Variants in MCM6 observed in about 807,000 individuals in gnomAD.
The protein encoded by MCM6 is DNA replication licensing factor MCM6.
Under a neutral mutation model 94.3 loss-of-function variants are expected in MCM6, and 46 were observed. The observed-to-expected ratio is 0.49, with a 90% CI of 0.39 to 0.62. The LOEUF (loss-of-function observed/expected upper bound fraction) is 0.62. Among genes scored for constraint, MCM6 ranks in the 20% least tolerant of loss-of-function variants. The probability of loss-of-function intolerance (pLI) is 0.00; values close to 1 mark genes in which losing one functional copy is unlikely to be tolerated. For missense variants in MCM6, 865 were observed against 1,017.9 expected, an observed-to-expected ratio of 0.85 and a Z score of 2.04; for synonymous variants, 335 against 351.9, an observed-to-expected ratio of 0.95 and a Z score of 0.54.
At chr2:135,862,515 G>A (rs923351131) in intron 8 of MCM6, 92 bp downstream of exon 8, 1 of 1,324,234 alleles carries the variant, frequency 7.6e-7, no homozygotes, top group African/African-American at 1.5e-5. Context: ...TACACTCCTA[G>A]TAAGGCCATA....
At chr2:135,842,419 C>T (rs754505353) in intron 16 of MCM6, among the ~76,000 whole-genome samples, 23 of 152,248 alleles carry the variant, frequency 1.5e-4, no homozygotes, top group South Asian at 4.1e-4. Context: ...TGAATTGGCA[C>T]GACAGTTAAA....
chr2:135,866,655 G>C lies in MCM6; in HGVS notation c.689C>G (p.Ala230Gly), dbSNP rs1481057213. The C allele has an allele frequency of 1.9e-6, 3 of 1,614,102 alleles. No homozygotes were observed. Residue 230 changes from alanine (A) to glycine (G), a missense_variant, in exon 5 of 17, where the codon GCT becomes GGT. Ala to Gly is a moderately conservative substitution (Grantham distance 60, BLOSUM62 0). Transcript: ENST00000264156. ...IPRSLEVILRAEAVESAQAGD... is the reference protein window; with the variant it reads ...IPRSLEVILRGEAVESAQAGD... Reference sequence around the variant, plus strand: ...AGCTTGAGCTGATTCCACAGCTTCAGCCCTTAAAATTACTTCTAAACTGCG... The same window carrying C: ...AGCTTGAGCTGATTCCACAGCTTCACCCCTTAAAATTACTTCTAAACTGCG...
chr2:135,852,771 C>T lies in MCM6; in HGVS notation c.1755+16G>A, dbSNP rs541926048. The T allele has an allele frequency of 2.6e-6, 4 of 1,549,464 alleles. No individual in the cohort carries two copies. Among genetic ancestry groups the T allele is most frequent in the East Asian group, 2.4e-5 (1 of 41,980 alleles). On this transcript the variant is annotated intron_variant, in intron 12 of 16. Coordinates refer to ENST00000264156, the MANE Select transcript of MCM6 (RefSeq NM_005915.6). ...ATACCCATTATACCTTATCCCAGTA[C>T]AAAAGGGTAGGTTACCTTGGGTTTA...
chr2:135,866,557 A>G lies in MCM6; in HGVS notation c.781+6T>C. On this transcript the variant is annotated splice_donor_region_variant and intron_variant, in intron 5 of 16. Transcript: ENST00000264156. ...ATTTGTTAAATTTGAGCCACAGATT[A>G]CTGACCTGGTGTGCTAAGCTTGGAG... The G allele has an allele frequency of 6.2e-7, 1 of 1,606,370 alleles. No homozygotes were observed. Among genetic ancestry groups the G allele is most frequent in the Non-Finnish European group, 8.5e-7 (1 of 1,177,398 alleles).
chr2:135,860,196 G>C (rs1187172528), intron 8 of MCM6, among the ~76,000 whole-genome samples: 2 of 151,992 alleles, frequency 1.3e-5, no homozygotes, highest in African/African-American at 4.8e-5. Context: ...GCAGTGGCTT[G>C]ATCTTGGCTC....
Position 135,862,601 on chromosome 2 carries a change from G to T in MCM6, c.1220+6C>A, listed in dbSNP as rs774859032. 6.2e-7 allele frequency: 1 copy of T among 1,613,972 alleles called. No homozygotes were observed. Among genetic ancestry groups the T allele is most frequent in the South Asian group, 1.1e-5 (1 of 91,064 alleles). ...TCCTGCAACACTGTATCAGGCAAACGCTTACTTGAGAAATTGGCTCTTAGC... is the reference window on the plus strand; with the variant it reads ...TCCTGCAACACTGTATCAGGCAAACTCTTACTTGAGAAATTGGCTCTTAGC... On this transcript the variant is annotated splice_donor_region_variant and intron_variant, in intron 8 of 16. Coordinates refer to ENST00000264156, the MANE Select transcript of MCM6 (RefSeq NM_005915.6).
chr2:135,850,991 G>C (rs1005356881), intron 13 of MCM6, among the ~76,000 whole-genome samples: 1 of 152,106 alleles, frequency 6.6e-6, no homozygotes, highest in Non-Finnish European at 1.5e-5. Context: ...ACCTATCCTC[G>C]TGGAATGCAG....
intron 11 of MCM6, 38 bp downstream of exon 11, chr2:135,856,690 C>G: frequency 6.2e-7 from 1 of 1,603,762 alleles, no homozygotes; most frequent in Non-Finnish European, 8.5e-7. Context: ...CACTCGATTA[C>G]TCCAACTGGA....
chr2:135,852,771 C>A lies in MCM6; in HGVS notation c.1755+16G>T. ...ATACCCATTATACCTTATCCCAGTA[C>A]AAAAGGGTAGGTTACCTTGGGTTTA... On this transcript the variant is annotated intron_variant, in intron 12 of 16. Transcript: ENST00000264156. 6.5e-7 allele frequency: 1 copy of A among 1,549,462 alleles called. No homozygotes were observed. Among genetic ancestry groups the A allele is most frequent in the South Asian group, 1.2e-5 (1 of 80,960 alleles).
chr2:135,865,141 T>C lies in MCM6; in HGVS notation c.950A>G (p.Asp317Gly). 1 of 1,545,972 alleles carries C rather than the reference T, an allele frequency of 6.5e-7. No individual in the cohort carries two copies. The highest frequency in any genetic ancestry group is 8.7e-7 in the Non-Finnish European group (1 of 1,148,994). The part of the protein sequence containing the change: ...NPRFGGKELR[D>G]EEQTAESIKN... The stretch of plus-strand genomic sequence containing the variant: ...AATGCTCTCAGCTGTCTGTTCCTCA[T>C]CTCTGAGCTCTTTCCCCCCAAACTA... Residue 317 changes from aspartate (D) to glycine (G), a missense_variant, in exon 7 of 17, where the codon GAT (aspartate) becomes GGT (glycine). Coordinates refer to ENST00000264156, the MANE Select transcript of MCM6 (RefSeq NM_005915.6).
intron 16 of MCM6, among the ~76,000 whole-genome samples, chr2:135,843,906 T>G (rs1244330518): frequency 6.6e-6 from 1 of 151,886 alleles, no homozygotes; most frequent in Non-Finnish European, 1.5e-5. Context: ...AATGGCCAGC[T>G]GACAGGAGTG....
At chr2:135,849,605 C>T (rs1679735546) in intron 13 of MCM6, among the ~76,000 whole-genome samples, 1 of 152,092 alleles carries the variant, frequency 6.6e-6, no homozygotes, top group African/African-American at 2.4e-5. Context: ...GGAACTAGCC[C>T]TACATTTAAA....
chr2:135,872,980 A>C, intron 1 of MCM6, 137 bp from the exon 2 acceptor site: 1 of 991,604 alleles, frequency 1.0e-6, no homozygotes, highest in Non-Finnish European at 1.5e-6. Flanking sequence ...ACTTGGGGCA[A>C]GTTACTCCTC....
At chr2:135,853,484 G>A (rs1198585739) in intron 11 of MCM6, among the ~76,000 whole-genome samples, 1 of 152,032 alleles carries the variant, frequency 6.6e-6, no homozygotes, top group Non-Finnish European at 1.5e-5. Context: ...ACATTTATAG[G>A]GCCCTCAGTG....
At position 135,872,673 on chromosome 2, in the gene MCM6, T is replaced by A. The variant is rs748360476; in HGVS notation, c.254+24A>T. On this transcript the variant is annotated intron_variant, in intron 2 of 16. Transcript: ENST00000264156. Reference sequence around the variant, plus strand: ...CCCGGATTTCAACCCCTATTCAAAGTAAAGAAGATTAATATGCCCATACCT... The same window carrying A: ...CCCGGATTTCAACCCCTATTCAAAGAAAAGAAGATTAATATGCCCATACCT... The A allele has an allele frequency of 1.9e-6, 3 of 1,611,162 alleles. No individual in the cohort carries two copies. The African/African-American group carries it at 4.0e-5, about 22-fold the overall frequency.
chr2:135,840,806 C>T lies in MCM6; in HGVS notation c.*29G>A. The T allele has an allele frequency of 6.6e-7, 1 of 1,516,924 alleles. No individual in the cohort carries two copies. The highest frequency in any genetic ancestry group is 9.2e-7 in the Non-Finnish European group (1 of 1,091,672). 94.0% of individuals were successfully genotyped at this position (1,516,924 alleles called of 1,614,324 possible). On this transcript the variant is annotated 3_prime_UTR_variant, in exon 17 of 17. Transcript: ENST00000264156. The stretch of plus-strand genomic sequence containing the variant: ...GCCACGAGGTGCTGTGCCACAGTTC[C>T]TCAGCTCTGGTCAGTTACTTTCACT...
chr2:135,855,332 G>A lies in MCM6; in HGVS notation c.1626+1396C>T, dbSNP rs1200224604. Among the ~76,000 whole-genome samples, 3 of 152,098 alleles carry A rather than the reference G, an allele frequency of 2.0e-5. No individual in the cohort carries two copies. The East Asian group carries it at 5.8e-4, about 29-fold the overall frequency. On this transcript the variant is annotated intron_variant, in intron 11 of 16. Coordinates refer to ENST00000264156, the MANE Select transcript of MCM6 (RefSeq NM_005915.6). ...ACTCAATTATCTGGTAATTAAATAT[G>A]TCTCTCTTGTGAAGGGAAAAAAAGT...
chr2:135,859,254 A>G (rs1679945058), intron 9 of MCM6, 47 bp downstream of exon 9: 2 of 1,486,310 alleles, frequency 1.3e-6, no homozygotes, highest in African/African-American at 2.8e-5. Flanking sequence ...CTGATAGGGT[A>G]GGGGTATTCT....
chr2:135,843,680 G>C (rs1178465088), intron 16 of MCM6, among the ~76,000 whole-genome samples: 1 of 146,200 alleles, frequency 6.8e-6, no homozygotes, highest in African/African-American at 2.5e-5. Context: ...AAGCTGCAGT[G>C]AGCTATGCCA....
Sources: gnomAD v4.1 joint callset for allele counts (sites outside exome capture counted in the v4.1 genomes callset) on GRCh38, gnomAD v4.1.1 for gene constraint, MANE v1.5 for transcripts, NCBI Gene and HGNC (gene_info 2026-07-23, HGNC 2026-07-21) for gene names.